Variants in NDUFV2 observed in about 807,000 individuals in gnomAD.
NDUFV2 encodes NADH dehydrogenase [ubiquinone] flavoprotein 2, mitochondrial.
NDUFV2 carries 18 observed loss-of-function variants against 31.6 expected under a neutral mutation model. That is an observed-to-expected ratio of 0.57 (90% CI 0.39 to 0.84). NDUFV2 has a LOEUF of 0.84. NDUFV2 is among the 40% of genes least tolerant of loss of function. The pLI is 0.00. For synonymous variants in NDUFV2, 83 were observed against 99.8 expected, an observed-to-expected ratio of 0.83 and a Z score of 1.01; for missense variants, 314 against 303.6, an observed-to-expected ratio of 1.03 and a Z score of -0.26.
intron 1 of NDUFV2, among the ~76,000 whole-genome samples, chr18:9,111,682 G>C (rs1013704090): frequency 2.0e-5 from 3 of 151,948 alleles, no homozygotes; most frequent in Admixed American, 2.0e-4. Context: ...GTCCGCCTCA[G>C]CCTCCTAAAG....
chr18:9,124,902 C>A lies in NDUFV2; in HGVS notation c.498C>A (p.Asp166Glu). 6.2e-7 allele frequency: 1 copy of A among 1,612,266 alleles called. No homozygotes were observed. Among genetic ancestry groups the A allele is most frequent in the East Asian group, 2.2e-5 (1 of 44,796 alleles). ...TAAAGGTTGGGGAGACTACACCTGA[C>A]AAACTTTTCACTCTTATAGAAGTGG... ...LGIKVGETTP[D>E]KLFTLIEVEC... Residue 166 changes from aspartate to glutamate, a missense_variant, in exon 6 of 8, where the codon GAC (aspartate) becomes GAA (glutamate). Asp to Glu is a conservative substitution (Grantham distance 45, BLOSUM62 2). Coordinates refer to ENST00000318388, the MANE Select transcript of NDUFV2 (RefSeq NM_021074.5).
intron 1 of NDUFV2, among the ~76,000 whole-genome samples, chr18:9,110,316 A>AC (rs1212762374): frequency 6.6e-6 from 1 of 152,176 alleles, no homozygotes; most frequent in Non-Finnish European, 1.5e-5. Flanking sequence ...AAAGTGTCTG[A>AC]CGTAGACATT....
chr18:9,123,251 G>A (rs976957451), intron 5 of NDUFV2, among the ~76,000 whole-genome samples: 1 of 152,120 alleles, frequency 6.6e-6, no homozygotes, highest in East Asian at 1.9e-4. Context: ...AATATAATAT[G>A]TGCATGTTGT....
intron 7 of NDUFV2, among the ~76,000 whole-genome samples, chr18:9,132,773 G>A (rs557499663): frequency 1.6e-3 from 248 of 152,322 alleles, no homozygotes; most frequent in African/African-American, 5.7e-3. Context: ...TACGTGGGAG[G>A]CTGAGGTGAC....
Position 9,102,703 on chromosome 18 carries a change from T to A in NDUFV2, c.-41T>A, listed in dbSNP as rs1395650781. 2 of 1,564,146 alleles carry A rather than the reference T, an allele frequency of 1.3e-6. No individual in the cohort carries two copies. Among genetic ancestry groups the A allele is most frequent in the South Asian group, 1.2e-5 (1 of 84,902 alleles). On this transcript the variant is annotated 5_prime_UTR_variant, in exon 1 of 8. Transcript: ENST00000318388. ...TGCGCCCTGGGCGCGCTCGGGATTCTCGCCTGGCGCGGCTGGGGAAGGTGA... is the reference window on the plus strand; with the variant it reads ...TGCGCCCTGGGCGCGCTCGGGATTCACGCCTGGCGCGGCTGGGGAAGGTGA...
chr18:9,120,990 G>A (rs2077931168), intron 4 of NDUFV2, among the ~76,000 whole-genome samples: 2 of 152,278 alleles, frequency 1.3e-5, no homozygotes, highest in South Asian at 4.1e-4. Flanking sequence ...GGTGGTGCAT[G>A]CCTGTAGACC....
chr18:9,114,601 A>G (rs2077888729), intron 1 of NDUFV2, among the ~76,000 whole-genome samples: 1 of 152,148 alleles, frequency 6.6e-6, no homozygotes. Context: ...TAGGTACAGA[A>G]ATTGAGGCTT....
chr18:9,127,606 G>A (rs1294361875), intron 7 of NDUFV2, among the ~76,000 whole-genome samples: 1 of 152,106 alleles, frequency 6.6e-6, no homozygotes, highest in Admixed American at 6.5e-5. Flanking sequence ...CGAGTAGCTG[G>A]GATTACAGGT....
At position 9,119,301 on chromosome 18, in the gene NDUFV2, C is replaced by T. The variant is rs773557435; in HGVS notation, c.121-25C>T. The T allele has an allele frequency of 2.5e-6, 4 of 1,587,150 alleles. No homozygotes were observed. In the South Asian group the frequency reaches 4.4e-5, roughly 18 times the overall value. The stretch of plus-strand genomic sequence containing the variant: ...CACACTTGAGAGAATTTGGATAAGT[C>T]TGAAAAACTGTTTTTGTTGTGTAGC... On this transcript the variant is annotated intron_variant, in intron 2 of 7. Coordinates refer to ENST00000318388, the MANE Select transcript of NDUFV2 (RefSeq NM_021074.5).
chr18:9,128,010 G>A (rs921613561), intron 7 of NDUFV2, among the ~76,000 whole-genome samples: 2 of 152,012 alleles, frequency 1.3e-5, no homozygotes, highest in African/African-American at 4.8e-5. Flanking sequence ...TTATGAACTT[G>A]GATTTTCACT....
chr18:9,134,186 G>A lies in NDUFV2; in HGVS notation c.657G>A (p.Arg219=). The A allele has an allele frequency of 6.2e-7, 1 of 1,611,126 alleles. No homozygotes were observed. The highest frequency in any genetic ancestry group is 8.5e-7 in the Non-Finnish European group (1 of 1,177,634). ...KAGKIPKPGP[R]SGRFSCEPAG... is the part of the protein sequence containing the mutation. ...AGTTTAATATTACTTTTCATTTCAG[G>A]AGTGGACGCTTCTCTTGTGAGCCAG... The change falls in exon 8 of 8, where the codon AGG becomes AGA. Residue 219 remains arginine (R), a splice_region_variant and synonymous_variant. Coordinates refer to ENST00000318388, the MANE Select transcript of NDUFV2 (RefSeq NM_021074.5).
intron 7 of NDUFV2, among the ~76,000 whole-genome samples, chr18:9,132,733 G>T (rs1237103868): frequency 6.6e-6 from 1 of 152,080 alleles, no homozygotes; most frequent in Admixed American, 6.6e-5. Flanking sequence ...AAATTAGCCA[G>T]GCATGGTGAC....
rs766594788 is a variant in NDUFV2, at chr18:9,134,217, G to A, written c.688G>A (p.Gly230Ser). The A allele has an allele frequency of 6.8e-6, 11 of 1,613,296 alleles. No homozygotes were observed. The Admixed American group carries it at 8.3e-5, about 12-fold the overall frequency. ...ACGCTTCTCTTGTGAGCCAGCTGGA[G>A]GTCTTACCTCTTTGACTGAACCACC... Reference protein sequence around the residue: ...SGRFSCEPAGGLTSLTEPPKG... With the variant: ...SGRFSCEPAGSLTSLTEPPKG... Residue 230 changes from glycine (G) to serine (S), a missense_variant, in exon 8 of 8, where the codon GGT (glycine) becomes AGT (serine). Gly to Ser is a moderately conservative substitution (Grantham distance 56). Transcript: ENST00000318388.
intron 1 of NDUFV2, chr18:9,105,108 T>TAGA: frequency 9.4e-7 from 1 of 1,059,356 alleles, no homozygotes; most frequent in Non-Finnish European, 1.3e-6. Context: ...CTATTACTTA[T>TAGA]ACAACCAGGC....
chr18:9,122,795 C>G (rs374575323), intron 5 of NDUFV2, 114 bp downstream of exon 5: 25 of 995,638 alleles, frequency 2.5e-5, no homozygotes, highest in Admixed American at 1.2e-4. Flanking sequence ...TCTGTACTTA[C>G]CTAGTAATAT....
intron 5 of NDUFV2, among the ~76,000 whole-genome samples, chr18:9,124,328 G>T (rs933739951): frequency 6.6e-6 from 1 of 150,744 alleles, no homozygotes; most frequent in Non-Finnish European, 1.5e-5. Flanking sequence ...TCCCTATGTT[G>T]CCCAGACTGG....
Position 9,124,915 on chromosome 18 carries a change from C to G in NDUFV2, c.511C>G (p.Leu171Val), listed in dbSNP as rs948233582. 1.2e-6 allele frequency: 2 copies of G among 1,612,414 alleles called. No individual in the cohort carries two copies. Among genetic ancestry groups the G allele is most frequent in the African/African-American group, 2.7e-5 (2 of 74,646 alleles). Residue 171 changes from leucine to valine, a missense_variant, in exon 6 of 8, where the codon CTT becomes GTT. Leu to Val is a conservative substitution (Grantham distance 32). Transcript: ENST00000318388. ...GACTACACCTGACAAACTTTTCACT[C>G]TTATAGAAGTGGAATGTTTAGGGGC... ...GETTPDKLFT[L>V]IEVECLGACV...
chr18:9,130,302 TCAA>T lies in NDUFV2; in HGVS notation c.656+3401_656+3403del, dbSNP rs1213979003. On this transcript the variant is annotated intron_variant, in intron 7 of 7. Transcript: ENST00000318388. ...GAACTAAGTACTCAGTTAAGCATTT[TCAA>T]CAACATCTGATAATAATAGGGATGT... Among the ~76,000 whole-genome samples the T allele has an allele frequency of 5.9e-5, 9 of 152,250 alleles. No individual in the cohort carries two copies. The South Asian group carries it at 8.3e-4, about 14-fold the overall frequency.
Position 9,125,541 on chromosome 18 carries a change from G to GT in NDUFV2, c.579+568dup, listed in dbSNP as rs200335248. ...TTTTTGTTTTTGATTGAGCGTTTCT[G>GT]TTTTTTTTTTGTTTTTCATTTTGAT... On this transcript the variant is annotated intron_variant, in intron 6 of 7. Transcript: ENST00000318388. Among the ~76,000 whole-genome samples, 1,018 of 115,842 alleles carry GT rather than the reference G, an allele frequency of 8.8e-3. 7 individuals carry two copies. The highest frequency in any genetic ancestry group is 0.025 in the Middle Eastern group (5 of 202). The allele number at this position is 115,842 out of a possible 152,430, so 76.0% of individuals were successfully genotyped here. A position where few individuals can be genotyped will look rare whatever the true frequency, so the allele number is the denominator to read the frequency against.
Sources: gnomAD v4.1 joint callset for allele counts (sites outside exome capture counted in the v4.1 genomes callset) on GRCh38, gnomAD v4.1.1 for gene constraint, MANE v1.5 for transcripts, NCBI Gene and HGNC (gene_info 2026-07-23, HGNC 2026-07-21) for gene names.